NTNG1: variants seen among roughly 807,000 people sequenced by gnomAD.
NTNG1 encodes the protein netrin-G1.
In NTNG1, 16 loss-of-function variants were observed where a neutral mutation model predicts 54.0. The ratio of observed to expected loss-of-function variants is 0.30; its 90% CI spans 0.20 to 0.45. NTNG1 has a LOEUF of 0.45. Among genes scored for constraint, NTNG1 ranks in the 20% least tolerant of loss-of-function variants. NTNG1 has a pLI of 1.00. For missense variants in NTNG1, 530 were observed against 678.7 expected (o/e 0.78, Z 2.43); for synonymous variants, 255 against 263.1 (o/e 0.97, Z 0.30).
At chr1:107,305,056 A>G (rs4915033) in intron 2 of NTNG1, among the ~76,000 whole-genome samples, 151,389 of 152,302 alleles carry the variant, frequency 0.99, 75,242 homozygotes, top group Middle Eastern at 1. Flanking sequence ...TCCCTGCAAA[A>G]GACATGAATT....
At chr1:107,367,825 G>A (rs572105738) in intron 3 of NTNG1, among the ~76,000 whole-genome samples, 81 of 151,948 alleles carry the variant, frequency 5.3e-4, no homozygotes, top group Admixed American at 7.9e-4. Flanking sequence ...GCAGTGGTGC[G>A]ATCTCAGCTC....
intron 2 of NTNG1, among the ~76,000 whole-genome samples, chr1:107,159,735 A>G (rs1655274835): frequency 6.6e-6 from 1 of 152,180 alleles, no homozygotes; most frequent in Admixed American, 6.5e-5. Flanking sequence ...CAATACTATC[A>G]TTTTGTTATT....
chr1:107,462,821 T>C (rs543343779), intron 7 of NTNG1, among the ~76,000 whole-genome samples: 5 of 152,356 alleles, frequency 3.3e-5, no homozygotes, highest in African/African-American at 1.2e-4. Flanking sequence ...CCTATTCTCA[T>C]CTTCAAAACT....
chr1:107,227,979 T>G (rs1163917433), intron 2 of NTNG1, among the ~76,000 whole-genome samples: 2 of 152,196 alleles, frequency 1.3e-5, no homozygotes, highest in African/African-American at 4.8e-5. Flanking sequence ...AAACATTCAC[T>G]TTAGCAGTTT....
chr1:107,191,681 G>A (rs1331126580), intron 2 of NTNG1, among the ~76,000 whole-genome samples: 1 of 150,426 alleles, frequency 6.6e-6, no homozygotes, highest in African/African-American at 2.4e-5. Flanking sequence ...TTATTAAATA[G>A]GGAATCCTTT....
At chr1:107,247,041 A>G (rs1199658462) in intron 2 of NTNG1, among the ~76,000 whole-genome samples, 1 of 152,132 alleles carries the variant, frequency 6.6e-6, no homozygotes, top group African/African-American at 2.4e-5. Flanking sequence ...CTGTCTTCCT[A>G]CTTGATTTTT....
chr1:107,404,814 A>G (rs146272294), intron 4 of NTNG1, among the ~76,000 whole-genome samples: 2 of 152,294 alleles, frequency 1.3e-5, no homozygotes, highest in Non-Finnish European at 2.9e-5. Flanking sequence ...GGAAGGAAAT[A>G]AATAACTTCT....
chr1:107,242,801 A>G (rs1383848415), intron 2 of NTNG1, among the ~76,000 whole-genome samples: 2 of 152,184 alleles, frequency 1.3e-5, no homozygotes, highest in Non-Finnish European at 2.9e-5. Context: ...AAGTGGGAAC[A>G]TTTGTGCTTT....
At chr1:107,187,180 A>G (rs1275075248) in intron 2 of NTNG1, among the ~76,000 whole-genome samples, 2 of 152,136 alleles carry the variant, frequency 1.3e-5, no homozygotes, top group East Asian at 1.9e-4. Flanking sequence ...ATTTTTTTAA[A>G]AGAGTGTATT....
At chr1:107,222,503 T>C (rs1173749840) in intron 2 of NTNG1, among the ~76,000 whole-genome samples, 1 of 152,086 alleles carries the variant, frequency 6.6e-6, no homozygotes, top group African/African-American at 2.4e-5. Context: ...TTTAGCAGAG[T>C]GCCTGTAATA....
chr1:107,381,917 G>A (rs981329987), intron 3 of NTNG1, among the ~76,000 whole-genome samples: 1 of 152,084 alleles, frequency 6.6e-6, no homozygotes, highest in Non-Finnish European at 1.5e-5. Context: ...CTTCTATCAG[G>A]TTGGCAGTAT....
At chr1:107,346,340 C>G (rs190395777) in intron 3 of NTNG1, among the ~76,000 whole-genome samples, 1 of 152,174 alleles carries the variant, frequency 6.6e-6, no homozygotes, top group East Asian at 1.9e-4. Flanking sequence ...ATTCTGATAC[C>G]CTTTAAGACT....
chr1:107,357,344 G>A (rs1669993316), intron 3 of NTNG1, among the ~76,000 whole-genome samples: 1 of 152,060 alleles, frequency 6.6e-6, no homozygotes, highest in South Asian at 2.1e-4. Context: ...GGCATGCAGT[G>A]AGCATGAGAA....
At position 107,480,984 on chromosome 1, in the gene NTNG1, G is replaced by T. The variant is rs1678677588; in HGVS notation, c.*144G>T. On this transcript the variant is annotated 3_prime_UTR_variant, in exon 8 of 8. Coordinates refer to ENST00000370068, the MANE Select transcript of NTNG1 (RefSeq NM_001113226.3). ...AACTAAGAAGGCCTAACTGAACTAA[G>T]CCATATTTATCACCCGTGGACAGCA... 3.2e-6 allele frequency: 2 copies of T among 629,062 alleles called. No homozygotes were observed. Among genetic ancestry groups the T allele is most frequent in the East Asian group, 5.5e-5 (2 of 36,174 alleles). 39.0% of individuals were successfully genotyped at this position (629,062 alleles called of 1,614,324 possible).
chr1:107,397,598 G>A (rs1042848772), intron 4 of NTNG1, among the ~76,000 whole-genome samples: 2 of 152,070 alleles, frequency 1.3e-5, no homozygotes, highest in Non-Finnish European at 2.9e-5. Context: ...CTAAGCTAAC[G>A]CATGTCATAT....
chr1:107,230,040 G>A (rs995649047), intron 2 of NTNG1, among the ~76,000 whole-genome samples: 2 of 152,054 alleles, frequency 1.3e-5, no homozygotes, highest in African/African-American at 2.4e-5. Context: ...ACTGGTTCTA[G>A]AATTCTTCAC....
intron 2 of NTNG1, among the ~76,000 whole-genome samples, chr1:107,246,985 T>C (rs551943043): frequency 7.2e-5 from 11 of 152,312 alleles, no homozygotes; most frequent in Admixed American, 3.3e-4. Context: ...TGTGGCTTTA[T>C]TGATGTGGCT....
chr1:107,352,884 G>C (rs1669709644), intron 3 of NTNG1, among the ~76,000 whole-genome samples: 1 of 152,210 alleles, frequency 6.6e-6, no homozygotes, highest in Non-Finnish European at 1.5e-5. Context: ...CCTAGCTGTA[G>C]GTGGGCCCCT....
chr1:107,265,911 A>G (rs1663708116), intron 2 of NTNG1, among the ~76,000 whole-genome samples: 1 of 152,164 alleles, frequency 6.6e-6, no homozygotes, highest in Non-Finnish European at 1.5e-5. Flanking sequence ...TAATCAATGT[A>G]TTTGAAAAGC....
Sources: allele counts gnomAD v4.1 joint callset (sites outside exome capture counted in the v4.1 genomes callset), GRCh38; gene constraint gnomAD v4.1.1; transcripts MANE v1.5; gene names NCBI Gene and HGNC (gene_info 2026-07-23, HGNC 2026-07-21).